The following STX18 variants were observed in gnomAD, a reference collection of about 807,000 sequenced individuals.
The protein encoded by STX18 is syntaxin-18.
In STX18, 40 loss-of-function variants were observed where a neutral mutation model predicts 50.1. The ratio of observed to expected loss-of-function variants is 0.80; its 90% confidence interval spans 0.62 to 1.04. STX18 has a LOEUF of 1.04. Among genes scored for constraint, STX18 ranks in the 50% least tolerant of loss-of-function variants. The pLI is 0.00. For synonymous variants in STX18, 158 were observed against 151.8 expected, an observed-to-expected ratio of 1.04 and a Z score of -0.30; for missense variants, 410 against 415.8, an observed-to-expected ratio of 0.99 and a Z score of 0.12.
chr4:4,538,718 C>G (rs115998489), intron 1 of STX18, among the ~76,000 whole-genome samples: 1 of 151,878 alleles, frequency 6.6e-6, no homozygotes, highest in Non-Finnish European at 1.5e-5. Context: ...AAATGGAAAA[C>G]GAGAGTCAGA....
rs548002304 is a variant in STX18 at position 4,472,909 on chromosome 4, T to G, written c.169-1203A>C. 1.3e-4 allele frequency among the ~76,000 whole-genome samples: 20 copies of G among 152,332 alleles called. No individual in the cohort carries two copies. In the East Asian group the frequency reaches 3.5e-3, roughly 26 times the overall value. ...ATAGTCTAGACTCTTATTATAAATG[T>G]GATTCAGAAAAACACCCTAAGGCAT... On this transcript the variant is annotated intron_variant, in intron 1 of 10. Coordinates refer to ENST00000306200, the MANE Select transcript of STX18 (RefSeq NM_016930.4).
At chr4:4,491,809 T>A (rs1274360655) in intron 1 of STX18, among the ~76,000 whole-genome samples, 1 of 147,996 alleles carries the variant, frequency 6.8e-6, no homozygotes, top group Non-Finnish European at 1.5e-5. Flanking sequence ...AACTAAAAAG[T>A]AAGATTTCCT....
intron 2 of STX18, among the ~76,000 whole-genome samples, chr4:4,469,648 G>A (rs763920157): frequency 2.0e-5 from 3 of 151,960 alleles, no homozygotes; most frequent in Admixed American, 6.5e-5. Flanking sequence ...TGAGCACAGC[G>A]GTACCTGAGA....
chr4:4,483,022 A>C (rs1728536304), intron 1 of STX18, among the ~76,000 whole-genome samples: 1 of 152,212 alleles, frequency 6.6e-6, no homozygotes, highest in African/African-American at 2.4e-5. Flanking sequence ...AAGGAGAGAA[A>C]ACATGTGCAC....
chr4:4,457,930 G>C (rs1483562233), intron 3 of STX18, among the ~76,000 whole-genome samples: 3 of 152,046 alleles, frequency 2.0e-5, no homozygotes, highest in African/African-American at 7.2e-5. Context: ...CACATTCTAA[G>C]GGTCCCTTAG....
At chr4:4,535,508 T>C (rs1314934668) in intron 1 of STX18, among the ~76,000 whole-genome samples, 5 of 152,054 alleles carry the variant, frequency 3.3e-5, no homozygotes, top group African/African-American at 9.7e-5. Context: ...TTTTAAACTG[T>C]GTGTCTCTGG....
Position 4,489,391 on chromosome 4 carries a change from A to ATTTTTTTTTTTTTTTTT in STX18, c.169-17702_169-17686dup, listed in dbSNP as rs34563523. 3.7e-4 allele frequency among the ~76,000 whole-genome samples: 19 copies of ATTTTTTTTTTTTTTTTT among 51,678 alleles called. 4 individuals are homozygous for ATTTTTTTTTTTTTTTTT. Among genetic ancestry groups the ATTTTTTTTTTTTTTTTT allele is most frequent in the Admixed American group, 6.1e-4 (2 of 3,298 alleles). 33.9% of individuals were successfully genotyped at this position (51,678 alleles called of 152,430 possible). A position where few individuals can be genotyped will look rare whatever the true frequency, so the allele number is the denominator to read the frequency against. On this transcript the variant is annotated intron_variant, in intron 1 of 10. Coordinates refer to ENST00000306200, the MANE Select transcript of STX18 (RefSeq NM_016930.4). ...AGCACTTCAATACACATGCAAAATA[A>ATTTTTTTTTTTTTTTTT]TTTTTTTTTTTTTTTTTTTTTTTTT...
chr4:4,540,023 G>C (rs1045757779), intron 1 of STX18, among the ~76,000 whole-genome samples: 1 of 152,116 alleles, frequency 6.6e-6, no homozygotes, highest in African/African-American at 2.4e-5. Context: ...TCTACAAAAG[G>C]AATCTCAAGA....
At chr4:4,479,950 G>C (rs964127788) in intron 1 of STX18, among the ~76,000 whole-genome samples, 8 of 152,186 alleles carry the variant, frequency 5.3e-5, no homozygotes, top group Admixed American at 2.6e-4. Context: ...TCAACACCAG[G>C]AACTACTAAC....
intron 1 of STX18, among the ~76,000 whole-genome samples, chr4:4,517,661 T>C (rs895003163): frequency 6.6e-6 from 1 of 152,240 alleles, no homozygotes; most frequent in African/African-American, 2.4e-5. Flanking sequence ...CAGATAATCT[T>C]GTGTTTTTAA....
chr4:4,435,534 C>T (rs1377872960), intron 6 of STX18, among the ~76,000 whole-genome samples: 1 of 152,164 alleles, frequency 6.6e-6, no homozygotes, highest in African/African-American at 2.4e-5. Context: ...ATTGATACAT[C>T]TTGGAGATGG....
chr4:4,541,754 C>A, intron 1 of STX18, 43 bp downstream of exon 1: 1 of 1,573,330 alleles, frequency 6.4e-7, no homozygotes, highest in Non-Finnish European at 8.6e-7. Context: ...TGTCGCAGGA[C>A]TGCCCCCTCC....
At chr4:4,457,140 TATTAGTAGTAC>T in intron 5 of STX18, 40 bp downstream of exon 5, 2 of 1,505,244 alleles carry the variant, frequency 1.3e-6, no homozygotes, top group Non-Finnish European at 1.8e-6. Flanking sequence ...TAACTGCTAT[TATTAGTAGTAC>T]TATTATTAAT....
At position 4,542,042 on chromosome 4, in the gene STX18, A is replaced by G. The variant is rs1731636379; in HGVS notation, c.-78T>C. 2 of 1,456,688 alleles carry G rather than the reference A, an allele frequency of 1.4e-6. No individual in the cohort carries two copies. The highest frequency in any genetic ancestry group is 1.5e-5 in the African/African-American group (1 of 68,612). The allele number at this position is 1,456,688 out of a possible 1,614,324, so 90.2% of individuals were successfully genotyped here. On this transcript the variant is annotated 5_prime_UTR_variant, in exon 1 of 11. Transcript: ENST00000306200. ...GACCGCGGCGCGAACCCGGCCGCTGAAGGACTGGTCCTGCCCCACACGCCT... is the reference window on the plus strand; with the variant it reads ...GACCGCGGCGCGAACCCGGCCGCTGGAGGACTGGTCCTGCCCCACACGCCT...
At chr4:4,437,346 A>G (rs1725844339) in intron 6 of STX18, among the ~76,000 whole-genome samples, 2 of 152,118 alleles carry the variant, frequency 1.3e-5, no homozygotes, top group Admixed American at 1.3e-4. Flanking sequence ...CAGGGGCTAG[A>G]GCCTTATCTT....
intron 7 of STX18, among the ~76,000 whole-genome samples, chr4:4,429,459 G>A (rs1490883805): frequency 6.6e-6 from 1 of 152,028 alleles, no homozygotes; most frequent in Non-Finnish European, 1.5e-5. Flanking sequence ...ATAAAATGAC[G>A]CCAAGAGAAG....
intron 1 of STX18, among the ~76,000 whole-genome samples, chr4:4,492,186 A>T (rs1442178184): frequency 2.0e-5 from 3 of 152,148 alleles, no homozygotes; most frequent in Non-Finnish European, 2.9e-5. Context: ...TAGTAACCAT[A>T]GAAATTAATC....
chr4:4,505,764 GGTGACAGAGACTCT>G (rs1427386856), intron 1 of STX18, among the ~76,000 whole-genome samples: 3 of 152,114 alleles, frequency 2.0e-5, no homozygotes, highest in Non-Finnish European at 4.4e-5. Context: ...CTCCAGCCTG[GGTGACAGAGACTCT>G]GTCTCAAAAA....
At chr4:4,460,470 T>C (rs568034470) in intron 2 of STX18, among the ~76,000 whole-genome samples, 32 of 151,770 alleles carry the variant, frequency 2.1e-4, no homozygotes, top group Admixed American at 1.4e-3. Flanking sequence ...AAACAGGGAA[T>C]ACATCCATCC....
Sources: gnomAD v4.1 joint callset for allele counts (sites outside exome capture counted in the v4.1 genomes callset) on GRCh38, gnomAD v4.1.1 for gene constraint, MANE v1.5 for transcripts, NCBI Gene and HGNC (gene_info 2026-07-23, HGNC 2026-07-21) for gene names.